GREB1L: variants seen among roughly 807,000 people sequenced by gnomAD.
The protein encoded by GREB1L is GREB1 like retinoic acid receptor coactivator.
A neutral mutation model predicts 200.8 loss-of-function variants in GREB1L; 17 were observed. The observed-to-expected ratio is 0.08, with a 90% CI of 0.06 to 0.13. GREB1L has a LOEUF of 0.13. Ranked by LOEUF, GREB1L falls within the 10% of genes least tolerant of loss-of-function variation. The pLI is 1.00. For synonymous variants in GREB1L, 789 were observed against 893.0 expected, an observed-to-expected ratio of 0.88 and a Z score of 2.08; for missense variants, 1,657 against 2,367.7, an observed-to-expected ratio of 0.70 and a Z score of 6.23.
intron 25 of GREB1L, among the ~76,000 whole-genome samples, chr18:21,506,532 G>A (rs975555120): frequency 3.3e-5 from 5 of 152,200 alleles, no homozygotes; most frequent in African/African-American, 1.2e-4. Flanking sequence ...TCATGTTTAG[G>A]TTAGGAAGTA....
intron 1 of GREB1L, among the ~76,000 whole-genome samples, chr18:21,295,798 A>G (rs1488179198): frequency 6.6e-6 from 1 of 152,230 alleles, no homozygotes; most frequent in African/African-American, 2.4e-5. Flanking sequence ...ACAGGTAGGG[A>G]CAAAGGCACA....
intron 2 of GREB1L, chr18:21,380,288 A>G (rs1355235547): frequency 1.3e-5 from 2 of 152,206 alleles, no homozygotes; most frequent in African/African-American, 2.4e-5. Context: ...AACTTGAGAT[A>G]GAGTTGTGGA....
chr18:21,522,004 C>CAAAAAA (rs59115973), intron 32 of GREB1L, among the ~76,000 whole-genome samples: 1 of 30,984 alleles, frequency 3.2e-5, no homozygotes, highest in Admixed American at 5.5e-4. Flanking sequence ...ACTCCGTCTC[C>CAAAAAA]AAAAAAAAAA....
In GREB1L at chr18:21,433,906, A is replaced by G. The variant is rs1370166760; in HGVS notation, c.833-5615A>G. Reference sequence around the variant, plus strand: ...ATTTGGGGTCTCTACTCATTTAGAAAAACTCTAATTGGCTTGAATCTTTCT... The same window carrying G: ...ATTTGGGGTCTCTACTCATTTAGAAGAACTCTAATTGGCTTGAATCTTTCT... On this transcript the variant is annotated intron_variant, in intron 7 of 32. Transcript: ENST00000424526. Among the ~76,000 whole-genome samples the G allele has an allele frequency of 3.3e-5, 5 of 152,102 alleles. No homozygotes were observed. The East Asian group carries it at 7.7e-4, about 23-fold the overall frequency.
chr18:21,432,058 G>A (rs2033197483), intron 7 of GREB1L, among the ~76,000 whole-genome samples: 1 of 151,492 alleles, frequency 6.6e-6, no homozygotes. Context: ...GAGTAGCTGG[G>A]ACTACAGGTG....
intron 1 of GREB1L, among the ~76,000 whole-genome samples, chr18:21,347,706 C>G (rs1267764440): frequency 6.6e-6 from 1 of 150,868 alleles, no homozygotes; most frequent in Non-Finnish European, 1.5e-5. Flanking sequence ...ATCCACCCAT[C>G]TCTGCCTCCC....
intron 1 of GREB1L, among the ~76,000 whole-genome samples, chr18:21,277,170 C>T (rs533815309): frequency 2.0e-5 from 3 of 152,122 alleles, no homozygotes; most frequent in East Asian, 3.9e-4. Context: ...CCTTGTGATC[C>T]GCCTGCCTCG....
intron 7 of GREB1L, among the ~76,000 whole-genome samples, chr18:21,406,094 C>T (rs1298857767): frequency 6.7e-6 from 1 of 149,226 alleles, no homozygotes; most frequent in Non-Finnish European, 1.5e-5. Flanking sequence ...AAACATGTAA[C>T]CTTTCCTAAG....
At chr18:21,427,825 G>A (rs537140827) in intron 7 of GREB1L, among the ~76,000 whole-genome samples, 1 of 152,070 alleles carries the variant, frequency 6.6e-6, no homozygotes, top group Admixed American at 6.6e-5. Flanking sequence ...TTCAAACCTG[G>A]ATACATTTTA....
At chr18:21,325,540 T>C (rs1204541871) in intron 1 of GREB1L, among the ~76,000 whole-genome samples, 1 of 152,008 alleles carries the variant, frequency 6.6e-6, no homozygotes, top group East Asian at 1.9e-4. Context: ...TAGGGCCTGT[T>C]GCGGTAGCTC....
At chr18:21,291,921 A>G (rs2038456761) in intron 1 of GREB1L, among the ~76,000 whole-genome samples, 1 of 152,196 alleles carries the variant, frequency 6.6e-6, no homozygotes, top group Admixed American at 6.5e-5. Flanking sequence ...GTTTACTCTG[A>G]ATATTTGTGT....
rs1303109722 is a variant in GREB1L at position 21,500,279 on chromosome 18, A to T, written c.3942A>T (p.Arg1314=). 2 of 1,397,374 alleles carry T rather than the reference A, an allele frequency of 1.4e-6. No individual in the cohort carries two copies. Among genetic ancestry groups the T allele is most frequent in the Non-Finnish European group, 2.0e-6 (2 of 1,019,200 alleles). 86.6% of individuals were successfully genotyped at this position (1,397,374 alleles called of 1,614,324 possible). Residue 1314 remains arginine (R), a synonymous_variant, in exon 22 of 33, where the codon CGA becomes CGT. Coordinates refer to ENST00000424526, the MANE Select transcript of GREB1L (RefSeq NM_001142966.3). ...CTGGCACCCGAAACTTCCACCCCCG[A>T]CGGCTCCTGCTGACAGGGCCCCCAC... ...PASGTRNFHP[R]RLLLTGPPQV...
chr18:21,495,106 C>T (rs558061588), intron 19 of GREB1L, among the ~76,000 whole-genome samples: 3 of 152,206 alleles, frequency 2.0e-5, no homozygotes, highest in South Asian at 2.1e-4. Context: ...GAGATTCTTT[C>T]AAGGCCCTAA....
Position 21,371,570 on chromosome 18 carries a change from G to A in GREB1L, c.-10+5434G>A, listed in dbSNP as rs201754113. On this transcript the variant is annotated intron_variant, in intron 2 of 32. Transcript: ENST00000424526. ...TGGGAGGCTGAGGTGGGCGGATCAT[G>A]AGATCAGGAGATCGAGACCATCCTG... Among the ~76,000 whole-genome samples, 3 of 151,262 alleles carry A rather than the reference G, an allele frequency of 2.0e-5. No individual in the cohort carries two copies. In the East Asian group the frequency reaches 5.9e-4, roughly 30 times the overall value.
At chr18:21,355,470 G>A (rs2039490479) in intron 1 of GREB1L, among the ~76,000 whole-genome samples, 1 of 152,128 alleles carries the variant, frequency 6.6e-6, no homozygotes, top group South Asian at 2.1e-4. Context: ...GGGATTACAG[G>A]CGTGAGCCAC....
intron 15 of GREB1L, among the ~76,000 whole-genome samples, chr18:21,460,561 A>C (rs1269074351): frequency 6.6e-6 from 1 of 151,642 alleles, no homozygotes; most frequent in African/African-American, 2.4e-5. Context: ...GCTGGTCTCG[A>C]ACTTCTGACC....
chr18:21,260,748 T>A (rs952922847), intron 1 of GREB1L, among the ~76,000 whole-genome samples: 2 of 152,008 alleles, frequency 1.3e-5, no homozygotes, highest in African/African-American at 4.8e-5. Flanking sequence ...ATTAGAGATT[T>A]AAATCTCTGA....
intron 8 of GREB1L, 67 bp from the exon 9 acceptor site, chr18:21,440,202 C>T: frequency 6.7e-7 from 1 of 1,499,296 alleles, no homozygotes; most frequent in South Asian, 1.2e-5. Context: ...CTCTGGCGTT[C>T]TTTCCTTTCT....
chr18:21,522,281 G>A (rs2037617004), intron 32 of GREB1L, among the ~76,000 whole-genome samples: 1 of 151,846 alleles, frequency 6.6e-6, no homozygotes, highest in African/African-American at 2.4e-5. Context: ...GACCATCCTG[G>A]CCAACATGAT....
Sources: allele counts gnomAD v4.1 joint callset (sites outside exome capture counted in the v4.1 genomes callset), GRCh38; gene constraint gnomAD v4.1.1; transcripts MANE v1.5; gene names NCBI Gene and HGNC (gene_info 2026-07-23, HGNC 2026-07-21).